NRXN1: variants seen among roughly 807,000 people sequenced by gnomAD.
The protein encoded by NRXN1 is neurexin-1.
NRXN1 carries 39 observed loss-of-function variants against 150.9 expected under a neutral mutation model. The ratio of observed to expected loss-of-function variants is 0.26; its 90% confidence interval spans 0.20 to 0.34. The LOEUF is 0.34. NRXN1 is among the 10% of genes least tolerant of loss of function. NRXN1 has a pLI of 1.00. For missense variants in NRXN1, 1,815 were observed against 1,949.9 expected (o/e 0.93, Z 1.30); for synonymous variants, 924 against 757.0 (o/e 1.22, Z -3.62).
Position 50,792,628 on chromosome 2 carries a change from A to G in NRXN1, c.832+129241T>C, listed in dbSNP as rs1210565475. Among the ~76,000 whole-genome samples, 10 of 152,208 alleles carry G rather than the reference A, an allele frequency of 6.6e-5. No individual in the cohort carries two copies. In the East Asian group the frequency reaches 1.4e-3, roughly 21 times the overall value. ...CAAATAAGAAATTTCCTGAAATATTACCAATGAGAAAATGGGTATAAAACC... is the reference window on the plus strand; with the variant it reads ...CAAATAAGAAATTTCCTGAAATATTGCCAATGAGAAAATGGGTATAAAACC... On this transcript the variant is annotated intron_variant, in intron 5 of 22. Transcript: ENST00000401669.
intron 5 of NRXN1, among the ~76,000 whole-genome samples, chr2:50,865,239 G>C (rs1056335424): frequency 2.0e-5 from 3 of 151,894 alleles, no homozygotes; most frequent in Non-Finnish European, 4.4e-5. Flanking sequence ...TTGATTACTA[G>C]AGGATAAAGG....
intron 8 of NRXN1, among the ~76,000 whole-genome samples, chr2:50,554,177 CACACA>C (rs2105352166): frequency 1.3e-5 from 2 of 152,106 alleles, no homozygotes; most frequent in African/African-American, 4.8e-5. Context: ...TATATGTATA[CACACA>C]TGTATGTTTT....
At chr2:50,785,770 G>T (rs529241821) in intron 5 of NRXN1, among the ~76,000 whole-genome samples, 2 of 152,134 alleles carry the variant, frequency 1.3e-5, no homozygotes, top group Non-Finnish European at 1.5e-5. Flanking sequence ...CAGAAGTCAC[G>T]TGGGTTCCCT....
chr2:50,878,780 C>T (rs1222537348), intron 5 of NRXN1, among the ~76,000 whole-genome samples: 1 of 151,930 alleles, frequency 6.6e-6, no homozygotes, highest in Non-Finnish European at 1.5e-5. Flanking sequence ...AAAAATAAAA[C>T]TCTTCAGAAT....
At chr2:50,884,842 A>C (rs1679980426) in intron 5 of NRXN1, among the ~76,000 whole-genome samples, 1 of 151,456 alleles carries the variant, frequency 6.6e-6, no homozygotes, top group South Asian at 2.1e-4. Context: ...AATAAAATAC[A>C]AACTTTTTTT....
intron 13 of NRXN1, among the ~76,000 whole-genome samples, chr2:50,504,140 T>TAAAAAAAAAA (rs70948715): frequency 4.4e-5 from 5 of 112,426 alleles, no homozygotes; most frequent in African/African-American, 1.1e-4. Flanking sequence ...ACATGACAAC[T>TAAAAAAAAAA]AAAAAAAAAA....
At chr2:50,466,088 CT>C (rs5831125) in intron 16 of NRXN1, among the ~76,000 whole-genome samples, 133,505 of 151,702 alleles carry the variant, frequency 0.88, 59,015 homozygotes, top group Non-Finnish European at 0.93. Context: ...AATTCACATG[CT>C]TTTAACAATT....
chr2:50,772,607 T>C (rs2105458414), intron 5 of NRXN1, among the ~76,000 whole-genome samples: 1 of 152,222 alleles, frequency 6.6e-6, no homozygotes, highest in East Asian at 1.9e-4. Flanking sequence ...TCTTGAGTCT[T>C]TGAGATATTT....
chr2:50,692,610 T>C (rs1425298608), intron 5 of NRXN1, among the ~76,000 whole-genome samples: 1 of 152,228 alleles, frequency 6.6e-6, no homozygotes, highest in Non-Finnish European at 1.5e-5. Context: ...CCCTATTTTA[T>C]GATCCATCAA....
chr2:50,184,343 T>C (rs1358138661), intron 18 of NRXN1, among the ~76,000 whole-genome samples: 3 of 152,024 alleles, frequency 2.0e-5, no homozygotes, highest in Non-Finnish European at 4.4e-5. Flanking sequence ...GATCCACATT[T>C]TGTTGAATGT....
At chr2:50,648,954 C>T (rs994943596) in intron 5 of NRXN1, among the ~76,000 whole-genome samples, 14 of 151,836 alleles carry the variant, frequency 9.2e-5, no homozygotes, top group African/African-American at 3.4e-4. Flanking sequence ...CATGTAAATC[C>T]TTAAAATTCA....
intron 12 of NRXN1, among the ~76,000 whole-genome samples, chr2:50,509,914 G>A (rs1419149728): frequency 1.3e-5 from 2 of 152,086 alleles, no homozygotes; most frequent in Non-Finnish European, 2.9e-5. Flanking sequence ...AGATAAGGGT[G>A]GAGTCCCATG....
At chr2:49,947,899 T>G (rs1001585294) in intron 21 of NRXN1, among the ~76,000 whole-genome samples, 1 of 152,060 alleles carries the variant, frequency 6.6e-6, no homozygotes, top group Non-Finnish European at 1.5e-5. Flanking sequence ...CTTTCAATAT[T>G]ATTATCAACT....
chr2:50,497,833 G>C, intron 13 of NRXN1, 119 bp from the exon 14 acceptor site: 1 of 836,048 alleles, frequency 1.2e-6, no homozygotes, highest in Non-Finnish European at 1.9e-6. Context: ...TTGGTACTCA[G>C]TTGCATATAG....
At chr2:50,447,963 C>T (rs573624885) in intron 17 of NRXN1, among the ~76,000 whole-genome samples, 2 of 151,292 alleles carry the variant, frequency 1.3e-5, no homozygotes, top group African/African-American at 2.4e-5. Context: ...TAAAGTGTAT[C>T]GTAAAATATA....
At chr2:50,302,695 C>A (rs2074267199) in intron 17 of NRXN1, among the ~76,000 whole-genome samples, 1 of 152,036 alleles carries the variant, frequency 6.6e-6, no homozygotes, top group African/African-American at 2.4e-5. Context: ...AACATGAGCA[C>A]CAAGCACATG....
At chr2:50,084,495 G>T (rs1335745239) in intron 19 of NRXN1, among the ~76,000 whole-genome samples, 1 of 152,190 alleles carries the variant, frequency 6.6e-6, no homozygotes, top group Non-Finnish European at 1.5e-5. Context: ...CCGGCCGGCC[G>T]CTGCAAGTGC....
intron 5 of NRXN1, among the ~76,000 whole-genome samples, chr2:50,852,271 G>T (rs541320220): frequency 6.6e-6 from 1 of 152,080 alleles, no homozygotes; most frequent in African/African-American, 2.4e-5. Context: ...TATACATGGA[G>T]AAAATCTACT....
At chr2:50,125,943 T>C (rs2152741943) in intron 18 of NRXN1, among the ~76,000 whole-genome samples, 1 of 152,140 alleles carries the variant, frequency 6.6e-6, no homozygotes, top group East Asian at 1.9e-4. Context: ...GTTTTTGTTT[T>C]TGGAAAATTA....
Sources: allele counts gnomAD v4.1 joint callset (sites outside exome capture counted in the v4.1 genomes callset), GRCh38; gene constraint gnomAD v4.1.1; transcripts MANE v1.5; gene names NCBI Gene and HGNC (gene_info 2026-07-23, HGNC 2026-07-21).